The following ZNF407 variants were observed in gnomAD, a reference collection of about 807,000 sequenced individuals.
The protein encoded by ZNF407 is zinc finger protein 407.
A neutral mutation model predicts 131.2 loss-of-function variants in ZNF407; 17 were observed. The observed-to-expected ratio is 0.13, with a 90% CI of 0.09 to 0.19. The LOEUF (loss-of-function observed/expected upper bound fraction) is 0.19, where lower values mean the gene tolerates loss of function less well. Ranked by LOEUF, ZNF407 falls within the 10% of genes least tolerant of loss-of-function variation. The pLI is 1.00. For missense variants in ZNF407, 2,681 were observed against 2,830.6 expected (o/e 0.95, Z 1.20); for synonymous variants, 1,156 against 1,062.0 (o/e 1.09, Z -1.72).
At chr18:74,777,482 T>A (rs955429217) in intron 3 of ZNF407, among the ~76,000 whole-genome samples, 1 of 152,200 alleles carries the variant, frequency 6.6e-6, no homozygotes, top group Non-Finnish European at 1.5e-5. Context: ...GGCTCTTGGA[T>A]GTTCAGTAGG....
chr18:75,006,720 C>A (rs1972914870), intron 8 of ZNF407, among the ~76,000 whole-genome samples: 1 of 152,142 alleles, frequency 6.6e-6, no homozygotes, highest in Non-Finnish European at 1.5e-5. Flanking sequence ...ATAGATTAAG[C>A]TTATTAATTG....
chr18:74,763,195 C>CTTTTTTTTTTTTTTTTTTTTTTT (rs1568203707), intron 3 of ZNF407, among the ~76,000 whole-genome samples: 1 of 5,866 alleles, frequency 1.7e-4, no homozygotes, highest in Admixed American at 2.3e-3. Flanking sequence ...CTTCTTAGGA[C>CTTTTTTTTTTTTTTTTTTTTTTT]CTTTTTTTTT....
At chr18:74,642,794 G>C (rs1568142526) in intron 3 of ZNF407, among the ~76,000 whole-genome samples, 1 of 152,086 alleles carries the variant, frequency 6.6e-6, no homozygotes, top group Non-Finnish European at 1.5e-5. Flanking sequence ...TTCAGAGAGA[G>C]AGCTATGTGT....
intron 8 of ZNF407, among the ~76,000 whole-genome samples, chr18:75,053,232 C>T (rs1352172039): frequency 1.3e-5 from 2 of 152,186 alleles, no homozygotes; most frequent in African/African-American, 4.8e-5. Context: ...GCCGGCCGCA[C>T]CCAGGTCCCG....
chr18:74,623,557 CTGAAA>C (rs1329533006), intron 1 of ZNF407, among the ~76,000 whole-genome samples: 21 of 152,336 alleles, frequency 1.4e-4, no homozygotes, highest in African/African-American at 4.8e-4. Context: ...TTTCATTTGA[CTGAAA>C]TAATTGTTTC....
intron 6 of ZNF407, among the ~76,000 whole-genome samples, chr18:74,888,037 A>T (rs1438789911): frequency 6.6e-6 from 1 of 152,204 alleles, no homozygotes; most frequent in Non-Finnish European, 1.5e-5. Flanking sequence ...GGTTTTGTTG[A>T]TAGCCAAATT....
At chr18:74,727,112 A>G (rs893333773) in intron 3 of ZNF407, among the ~76,000 whole-genome samples, 1 of 152,194 alleles carries the variant, frequency 6.6e-6, no homozygotes. Flanking sequence ...GGGTACTAAG[A>G]TAAGTAAAGT....
chr18:74,598,870 A>C (rs1408814312), intron 1 of ZNF407, among the ~76,000 whole-genome samples: 1 of 152,218 alleles, frequency 6.6e-6, no homozygotes, highest in Non-Finnish European at 1.5e-5. Context: ...CTGGGTTTTG[A>C]GTAGCCATTT....
chr18:74,680,876 A>C (rs1395428001), intron 3 of ZNF407, among the ~76,000 whole-genome samples: 1 of 152,224 alleles, frequency 6.6e-6, no homozygotes, highest in East Asian at 1.9e-4. Context: ...GTGGGTTTTC[A>C]GTGCTCACCC....
chr18:74,794,431 A>G (rs114506531), intron 4 of ZNF407, among the ~76,000 whole-genome samples: 6 of 151,252 alleles, frequency 4.0e-5, no homozygotes, highest in African/African-American at 1.5e-4. Context: ...TTTTTTCAGA[A>G]ATACTACTTT....
At chr18:75,014,375 G>A (rs950794903) in intron 8 of ZNF407, among the ~76,000 whole-genome samples, 1 of 151,746 alleles carries the variant, frequency 6.6e-6, no homozygotes, top group East Asian at 1.9e-4. Flanking sequence ...GGCTGACACC[G>A]AGTGCCCCCA....
At chr18:74,838,605 T>A (rs1388304181) in intron 4 of ZNF407, among the ~76,000 whole-genome samples, 1 of 152,226 alleles carries the variant, frequency 6.6e-6, no homozygotes, top group Non-Finnish European at 1.5e-5. Context: ...AGTTTTTTTT[T>A]AATGTGTGTA....
intron 3 of ZNF407, among the ~76,000 whole-genome samples, chr18:74,682,542 G>A (rs764804881): frequency 1.4e-4 from 21 of 152,174 alleles, no homozygotes; most frequent in Admixed American, 8.5e-4. Context: ...TCTAAGGTGT[G>A]TAAGTAGCTG....
chr18:74,823,181 A>C (rs187569046), intron 4 of ZNF407, among the ~76,000 whole-genome samples: 10 of 152,332 alleles, frequency 6.6e-5, no homozygotes, highest in Admixed American at 4.6e-4. Context: ...TGTCACCACC[A>C]GGGCTGCCTT....
rs375090606 is a variant in ZNF407, at chr18:74,916,781, A to AGTGTGTGTGTGTGT, written c.5250-3723_5250-3710dup. Among the ~76,000 whole-genome samples, 406 of 87,974 alleles carry AGTGTGTGTGTGTGT rather than the reference A, an allele frequency of 4.6e-3. 21 individuals carry two copies. The highest frequency in any genetic ancestry group is 0.019 in the African/African-American group (383 of 19,728). 57.7% of individuals were successfully genotyped at this position (87,974 alleles called of 152,430 possible). On this transcript the variant is annotated intron_variant, in intron 7 of 8. Coordinates refer to ENST00000299687, the MANE Select transcript of ZNF407 (RefSeq NM_017757.3). ...GTATGCAGCATTGGTTCGAATCGGG[A>AGTGTGTGTGTGTGT]GTGTGTGTGTGTGTGTGTGTGTGCA...
At chr18:74,849,148 G>A (rs1338406162) in intron 4 of ZNF407, among the ~76,000 whole-genome samples, 5 of 149,108 alleles carry the variant, frequency 3.4e-5, no homozygotes, top group South Asian at 2.1e-4. Flanking sequence ...GCGCAATCTC[G>A]GCTCACTGCA....
intron 8 of ZNF407, among the ~76,000 whole-genome samples, chr18:74,950,595 G>T (rs116807649): frequency 6.6e-6 from 1 of 152,172 alleles, no homozygotes; most frequent in African/African-American, 2.4e-5. Flanking sequence ...TTGTTCTACC[G>T]TTACAGATAC....
intron 4 of ZNF407, among the ~76,000 whole-genome samples, chr18:74,862,331 T>A (rs545735224): frequency 3.0e-4 from 46 of 152,306 alleles, no homozygotes; most frequent in African/African-American, 1.1e-3. Context: ...CACACACAGT[T>A]CCCTGGGTCT....
chr18:74,726,925 T>C (rs1240637041), intron 3 of ZNF407, among the ~76,000 whole-genome samples: 2 of 152,186 alleles, frequency 1.3e-5, no homozygotes, highest in African/African-American at 2.4e-5. Flanking sequence ...TGAGAAGATC[T>C]TTAGACATTT....
Sources: allele counts gnomAD v4.1 joint callset (sites outside exome capture counted in the v4.1 genomes callset), GRCh38; gene constraint gnomAD v4.1.1; transcripts MANE v1.5; gene names NCBI Gene and HGNC (gene_info 2026-07-23, HGNC 2026-07-21).